Variants in MTREX observed in about 807,000 individuals in gnomAD.
The protein encoded by MTREX is Mtr4 exosome RNA helicase.
Under a neutral mutation model 135.4 loss-of-function variants are expected in MTREX, and 76 were observed. The observed-to-expected ratio is 0.56, with a 90% CI of 0.47 to 0.68. The LOEUF is 0.68. MTREX is among the 30% of genes least tolerant of loss of function. MTREX has a pLI of 0.00. For missense variants in MTREX, 920 were observed against 1,262.1 expected (o/e 0.73, Z 4.11); for synonymous variants, 404 against 401.6 (o/e 1.01, Z -0.07).
chr5:55,345,094 G>A lies in MTREX; in HGVS notation c.1006G>A (p.Gly336Ser), dbSNP rs1157939383. ...DGLHLVVDEN[G>S]DFREDNFNTA... ...ACACAGAAAAAATTTGTGATTCCAG[G>A]GTGACTTCAGAGAAGATAATTTTAA... Residue 336 changes from glycine to serine, a missense_variant and splice_region_variant, in exon 10 of 27, where the codon GGT becomes AGT. Transcript: ENST00000230640. 6.2e-7 allele frequency: 1 copy of A among 1,605,972 alleles called. No homozygotes were observed. Among genetic ancestry groups the A allele is most frequent in the Admixed American group, 1.7e-5 (1 of 59,078 alleles).
At chr5:55,344,434 A>G (rs1749698176) in intron 8 of MTREX, 88 bp from the exon 9 acceptor site, 2 of 829,708 alleles carry the variant, frequency 2.4e-6, no homozygotes, top group Non-Finnish European at 3.9e-6. Flanking sequence ...TCATTACTTG[A>G]TTTTCTTAAG....
chr5:55,353,411 C>A, intron 14 of MTREX, 142 bp downstream of exon 14: 1 of 526,264 alleles, frequency 1.9e-6, no homozygotes, highest in East Asian at 3.4e-5. Context: ...AAGGTTAAAC[C>A]TTGGCTTTTG....
chr5:55,418,763 TTCTC>T (rs1751010797), intron 25 of MTREX, among the ~76,000 whole-genome samples: 1 of 152,160 alleles, frequency 6.6e-6, no homozygotes, highest in Admixed American at 6.5e-5. Flanking sequence ...AGGATAGTAT[TTCTC>T]TCTTTTGTTT....
chr5:55,400,147 C>A, intron 20 of MTREX, 86 bp from the exon 21 acceptor site: 2 of 970,908 alleles, frequency 2.1e-6, no homozygotes, highest in Non-Finnish European at 3.0e-6. Context: ...TGTCCATGTG[C>A]ATAGAAAAAA....
Position 55,413,042 on chromosome 5 carries a change from TA to T in MTREX, c.2752-1128del, listed in dbSNP as rs992038078. 1.5e-3 allele frequency among the ~76,000 whole-genome samples: 220 copies of T among 147,220 alleles called. 1 individual carries two copies. The Middle Eastern group carries it at 0.017, about 12-fold the overall frequency. Reference sequence around the variant, plus strand: ...TGTCGCAACTAGCCTACAATTGCTTTAAAAAAAAAAAATTAGCGATCGGGCA... The same window carrying T: ...TGTCGCAACTAGCCTACAATTGCTTTAAAAAAAAAAATTAGCGATCGGGCA... On this transcript the variant is annotated intron_variant, in intron 23 of 26. Coordinates refer to ENST00000230640, the MANE Select transcript of MTREX (RefSeq NM_015360.5).
chr5:55,317,475 G>A (rs1450148948), intron 1 of MTREX, among the ~76,000 whole-genome samples: 5 of 152,056 alleles, frequency 3.3e-5, no homozygotes, highest in East Asian at 1.9e-4. Flanking sequence ...AAATAAGGCC[G>A]CACATCTACA....
rs943696963 is a variant in MTREX at position 55,390,242 on chromosome 5, A to G, written c.2181+2140A>G. 5.3e-5 allele frequency among the ~76,000 whole-genome samples: 8 copies of G among 152,124 alleles called. No individual in the cohort carries two copies. In the South Asian group the frequency reaches 1.0e-3, roughly 20 times the overall value. Reference sequence around the variant, plus strand: ...CTCAACCTCCCGAGTAGCTGGGACTACAGGTGTTCGCCGCCGTGCCCGGCT... The same window carrying G: ...CTCAACCTCCCGAGTAGCTGGGACTGCAGGTGTTCGCCGCCGTGCCCGGCT... On this transcript the variant is annotated intron_variant, in intron 19 of 26. Transcript: ENST00000230640.
chr5:55,362,153 T>G (rs1055226026), intron 15 of MTREX, among the ~76,000 whole-genome samples: 2 of 148,886 alleles, frequency 1.3e-5, no homozygotes, highest in African/African-American at 5.0e-5. Context: ...AGGCTTGTTT[T>G]GAACTCCAGG....
intron 1 of MTREX, among the ~76,000 whole-genome samples, chr5:55,321,469 T>G (rs1188829906): frequency 1.3e-5 from 2 of 152,162 alleles, no homozygotes; most frequent in South Asian, 4.1e-4. Flanking sequence ...GATCATTTTC[T>G]CATTTTATCT....
chr5:55,416,636 G>GA (rs1489295861), intron 25 of MTREX, among the ~76,000 whole-genome samples: 6 of 152,144 alleles, frequency 3.9e-5, no homozygotes, highest in Admixed American at 6.5e-5. Flanking sequence ...AATTTTAAAT[G>GA]AAAAAATTAA....
At position 55,365,005 on chromosome 5, in the gene MTREX, G is replaced by C. The variant is rs550120027; in HGVS notation, c.1660-1720G>C. 3.3e-5 allele frequency among the ~76,000 whole-genome samples: 5 copies of C among 152,302 alleles called. No homozygotes were observed. The South Asian group carries it at 1.0e-3, about 32-fold the overall frequency. On this transcript the variant is annotated intron_variant, in intron 15 of 26. Transcript: ENST00000230640. ...ATTAGTCATTACACTGGTACAGCAG[G>C]TGTAAGTTGGAACTATGCTGGGCTT... is the stretch of plus-strand genomic sequence containing the variant.
intron 1 of MTREX, among the ~76,000 whole-genome samples, chr5:55,322,025 A>T (rs1483952051): frequency 6.6e-6 from 1 of 152,220 alleles, no homozygotes; most frequent in Non-Finnish European, 1.5e-5. Flanking sequence ...AAGGTAACTC[A>T]TGTTAATGTC....
chr5:55,346,417 AT>A (rs1289567778), intron 10 of MTREX, among the ~76,000 whole-genome samples: 1 of 152,120 alleles, frequency 6.6e-6, no homozygotes, highest in Non-Finnish European at 1.5e-5. Flanking sequence ...CAGATTATGT[AT>A]TTTGCCCTGA....
intron 15 of MTREX, among the ~76,000 whole-genome samples, chr5:55,363,874 G>C (rs1433315495): frequency 1.3e-5 from 2 of 152,192 alleles, no homozygotes; most frequent in African/African-American, 4.8e-5. Flanking sequence ...AGTACAGTGA[G>C]TGGCATATGC....
At chr5:55,326,126 G>A (rs560684518) in intron 3 of MTREX, among the ~76,000 whole-genome samples, 2 of 152,334 alleles carry the variant, frequency 1.3e-5, no homozygotes, top group East Asian at 3.9e-4. Context: ...GCTGGGCACA[G>A]TGGCTCACGT....
At chr5:55,351,437 C>T (rs1426161988) in intron 13 of MTREX, among the ~76,000 whole-genome samples, 1 of 152,132 alleles carries the variant, frequency 6.6e-6, no homozygotes, top group African/African-American at 2.4e-5. Context: ...GAAGCTGAGG[C>T]AGGAGAATCA....
chr5:55,349,542 G>T, intron 11 of MTREX, 31 bp from the exon 12 acceptor site: 1 of 1,193,898 alleles, frequency 8.4e-7, no homozygotes, highest in South Asian at 1.2e-5. Flanking sequence ...AACTCATTTT[G>T]ATATTTCTGT....
intron 16 of MTREX, among the ~76,000 whole-genome samples, chr5:55,370,994 A>AT (rs1750186363): frequency 6.6e-6 from 1 of 152,172 alleles, no homozygotes; most frequent in Admixed American, 6.5e-5. Flanking sequence ...TCAACAGTAC[A>AT]TTTTTCAGTG....
rs577809449 is a variant in MTREX at position 55,392,865 on chromosome 5, C to G, written c.2182-4551C>G. 2.6e-5 allele frequency among the ~76,000 whole-genome samples: 4 copies of G among 152,324 alleles called. No individual in the cohort carries two copies. In the South Asian group the frequency reaches 6.2e-4, roughly 24 times the overall value. On this transcript the variant is annotated intron_variant, in intron 19 of 26. Coordinates refer to ENST00000230640, the MANE Select transcript of MTREX (RefSeq NM_015360.5). ...TGTTTCTCCCAGCTGTCATTCACAA[C>G]CTCAGGCAGCCATGGTGTTAAGCAG...
Sources: gnomAD v4.1 joint callset for allele counts (sites outside exome capture counted in the v4.1 genomes callset) on GRCh38, gnomAD v4.1.1 for gene constraint, MANE v1.5 for transcripts, NCBI Gene and HGNC (gene_info 2026-07-23, HGNC 2026-07-21) for gene names.